Variants in CREB3L1 observed in about 807,000 individuals in gnomAD.
The protein encoded by CREB3L1 is cyclic AMP-responsive element-binding protein 3-like protein 1.
In CREB3L1, 33 loss-of-function variants were observed where a neutral mutation model predicts 54.5. The observed-to-expected ratio is 0.61, with a 90% CI of 0.46 to 0.81. The LOEUF (loss-of-function observed/expected upper bound fraction) is 0.81, where lower values mean the gene tolerates loss of function less well. CREB3L1 is among the 30% of genes least tolerant of loss of function. The pLI is 0.00. For synonymous variants in CREB3L1, 284 were observed against 286.4 expected, an observed-to-expected ratio of 0.99 and a Z score of 0.08; for missense variants, 656 against 673.3, an observed-to-expected ratio of 0.97 and a Z score of 0.29.
intron 2 of CREB3L1, 30 bp downstream of exon 2, chr11:46,300,193 C>G: frequency 6.4e-7 from 1 of 1,551,504 alleles, no homozygotes; most frequent in African/African-American, 1.4e-5. Flanking sequence ...GGGGACAGCA[C>G]AGGCCCAGGA....
chr11:46,307,945 C>T lies in CREB3L1; in HGVS notation c.461C>T (p.Ala154Val). ...GCCATGGCTGCCGCGGCCGCCATGG[C>T]CACCACCCCGCTGCTGGGCCTCAGC... ...PSAMAAAAAMATTPLLGLSPL... is the reference protein window; with the variant it reads ...PSAMAAAAAMVTTPLLGLSPL... Residue 154 changes from alanine to valine, a missense_variant, in exon 3 of 12, where the codon GCC becomes GTC. Physicochemically the swap from Ala to Val is moderately conservative, Grantham distance 64. Around this residue, in one of 3 missense-constraint regions of CREB3L1, gnomAD observed 339 missense variants for 331.5 expected, o/e 1.02. Coordinates refer to ENST00000621158, the MANE Select transcript of CREB3L1 (RefSeq NM_052854.4). 6.4e-7 allele frequency: 1 copy of T among 1,564,634 alleles called. No individual in the cohort carries two copies. Among genetic ancestry groups the T allele is most frequent in the South Asian group, 1.2e-5 (1 of 84,784 alleles).
At chr11:46,313,116 T>C (rs1048248622) in intron 8 of CREB3L1, among the ~76,000 whole-genome samples, 197 bp downstream of exon 8, 1 of 152,122 alleles carries the variant, frequency 6.6e-6, no homozygotes, top group African/African-American at 2.4e-5. Flanking sequence ...CACCTACACC[T>C]GGCAGGGCTG....
In CREB3L1 at chr11:46,311,024, C is replaced by T. The variant is rs376419401; in HGVS notation, c.596-8C>T. 3.6e-5 allele frequency: 57 copies of T among 1,575,654 alleles called. No homozygotes were observed. Among genetic ancestry groups the T allele is most frequent in the Non-Finnish European group, 4.5e-5 (52 of 1,160,418 alleles). ...CGTTGCTAACTCGGTTTCCCCTGCTCTCCCCAGAGGACCTGGTGCAGATGC... is the reference window on the plus strand; with the variant it reads ...CGTTGCTAACTCGGTTTCCCCTGCTTTCCCCAGAGGACCTGGTGCAGATGC... On this transcript the variant is annotated splice_region_variant and splice_polypyrimidine_tract_variant and intron_variant, in intron 4 of 11. Coordinates refer to ENST00000621158, the MANE Select transcript of CREB3L1 (RefSeq NM_052854.4).
At chr11:46,310,861 G>C (rs1263858028) in intron 4 of CREB3L1, 171 bp from the exon 5 acceptor site, 1 of 980,138 alleles carries the variant, frequency 1.0e-6, no homozygotes, top group East Asian at 3.1e-5. Flanking sequence ...GATGTCAACT[G>C]TCTTTCTGAC....
chr11:46,308,449 C>G lies in CREB3L1; in HGVS notation c.516+449C>G, dbSNP rs551606705. Among the ~76,000 whole-genome samples the G allele has an allele frequency of 8.5e-4, 129 of 152,368 alleles. 1 individual carries two copies. The highest frequency in any genetic ancestry group is 1.4e-3 in the Non-Finnish European group (98 of 68,040). ...ATGAGATTAATATTTTTAACCCACACTCTCAGGCTGAACTCCCTCCTCCAC... is the reference window on the plus strand; with the variant it reads ...ATGAGATTAATATTTTTAACCCACAGTCTCAGGCTGAACTCCCTCCTCCAC... On this transcript the variant is annotated intron_variant, in intron 3 of 11. Coordinates refer to ENST00000621158, the MANE Select transcript of CREB3L1 (RefSeq NM_052854.4).
At chr11:46,300,197 C>A (rs752189757) in intron 2 of CREB3L1, 34 bp downstream of exon 2, 18 of 1,464,580 alleles carry the variant, frequency 1.2e-5, no homozygotes, top group South Asian at 8.3e-5. Flanking sequence ...ACAGCACAGG[C>A]CCAGGAGGCC....
Position 46,305,746 on chromosome 11 carries a change from A to ATTT in CREB3L1, c.332-2063_332-2061dup, listed in dbSNP as rs34152812. Among the ~76,000 whole-genome samples, 248 of 129,266 alleles carry ATTT rather than the reference A, an allele frequency of 1.9e-3. 3 individuals are homozygous for ATTT. Among genetic ancestry groups the ATTT allele is most frequent in the African/African-American group, 7.3e-3 (229 of 31,480 alleles). 84.8% of individuals were successfully genotyped at this position (129,266 alleles called of 152,430 possible). A position where few individuals can be genotyped will look rare whatever the true frequency, so the allele number is the denominator to read the frequency against. On this transcript the variant is annotated intron_variant, in intron 2 of 11. Transcript: ENST00000621158. ...TGTGTGTGTGTGTATATATATATAT[A>ATTT]TTTTTTTTTAAGACGGAGTCTCGCT...
chr11:46,311,365 G>A (rs1939483024), intron 5 of CREB3L1, among the ~76,000 whole-genome samples, 176 bp downstream of exon 5: 1 of 152,182 alleles, frequency 6.6e-6, no homozygotes, highest in Non-Finnish European at 1.5e-5. Flanking sequence ...TTTGAGTCTT[G>A]CTCTGTTGCC....
chr11:46,294,895 G>A (rs564086896), intron 1 of CREB3L1, among the ~76,000 whole-genome samples: 23 of 152,068 alleles, frequency 1.5e-4, no homozygotes, highest in African/African-American at 5.1e-4. Flanking sequence ...GGAAAGAAAG[G>A]GGGAAATGTG....
intron 1 of CREB3L1, among the ~76,000 whole-genome samples, chr11:46,297,470 C>T (rs1037866865): frequency 2.5e-4 from 34 of 135,712 alleles, no homozygotes; most frequent in African/African-American, 8.8e-4. Flanking sequence ...ATTACCGGAC[C>T]GGGGAGGGTC....
chr11:46,305,355 C>T (rs1374678345), intron 2 of CREB3L1, among the ~76,000 whole-genome samples: 1 of 152,074 alleles, frequency 6.6e-6, no homozygotes, highest in Non-Finnish European at 1.5e-5. Context: ...CCGCTCCCCA[C>T]CGCCGCCTCC....
intron 2 of CREB3L1, among the ~76,000 whole-genome samples, chr11:46,301,663 A>C (rs1325924245): frequency 6.5e-5 from 6 of 91,856 alleles, no homozygotes; most frequent in South Asian, 3.6e-4. Flanking sequence ...ACTCCGTCCC[A>C]AAAAAAAAAA....
chr11:46,309,924 G>C, intron 3 of CREB3L1, 65 bp from the exon 4 acceptor site: 1 of 1,319,290 alleles, frequency 7.6e-7, no homozygotes, highest in South Asian at 1.3e-5. Context: ...GGAGGAGGTG[G>C]GTAGATGGCA....
intron 1 of CREB3L1, among the ~76,000 whole-genome samples, chr11:46,294,880 C>CG (rs1347673484): frequency 1.3e-5 from 2 of 149,716 alleles, no homozygotes; most frequent in African/African-American, 2.5e-5. Flanking sequence ...CCCCAGCCTG[C>CG]GGGGGGAAAG....
Position 46,311,199 on chromosome 11 carries a change from T to C in CREB3L1, c.753+10T>C. Reference sequence around the variant, plus strand: ...CCTCACTGCCCCTCACGTAAGGAGCTGGGGGTGGGCTGATCCCAGAAATGA... The same window carrying C: ...CCTCACTGCCCCTCACGTAAGGAGCCGGGGGTGGGCTGATCCCAGAAATGA... On this transcript the variant is annotated intron_variant, in intron 5 of 11. Coordinates refer to ENST00000621158, the MANE Select transcript of CREB3L1 (RefSeq NM_052854.4). The C allele has an allele frequency of 6.4e-7, 1 of 1,561,876 alleles. No homozygotes were observed. Among genetic ancestry groups the C allele is most frequent in the South Asian group, 1.2e-5 (1 of 85,960 alleles).
At chr11:46,314,822 C>T (rs569990060) in intron 8 of CREB3L1, among the ~76,000 whole-genome samples, 2 of 152,080 alleles carry the variant, frequency 1.3e-5, no homozygotes, top group South Asian at 4.1e-4. Context: ...ATTCTCATGC[C>T]TCAGCCTCCC....
chr11:46,306,326 G>A (rs1043245458), intron 2 of CREB3L1, among the ~76,000 whole-genome samples: 3 of 151,968 alleles, frequency 2.0e-5, no homozygotes, highest in Non-Finnish European at 4.4e-5. Flanking sequence ...GACCAGCCTG[G>A]GCAACATCTC....
chr11:46,302,485 C>A (rs1374700040), intron 2 of CREB3L1, among the ~76,000 whole-genome samples: 1 of 152,152 alleles, frequency 6.6e-6, no homozygotes, highest in Non-Finnish European at 1.5e-5. Flanking sequence ...CTGGCTCTGT[C>A]GCTTTTGGCT....
rs781485244 is a variant in CREB3L1, at chr11:46,307,825, A to G, written c.341A>G (p.His114Arg). The change falls in exon 3 of 12, where the codon CAT becomes CGT. Residue 114 changes from histidine (H) to arginine (R), a missense_variant. His to Arg is a conservative substitution (Grantham distance 29). Coordinates refer to ENST00000621158, the MANE Select transcript of CREB3L1 (RefSeq NM_052854.4). ...KMEDTTQDAE[H>R]GAWALGHKLC... ...TTTCCCCTTCCCCTAGATGCAGAGC[A>G]TGGAGCATGGGCGCTGGGACACAAA... 1 of 1,572,216 alleles carries G rather than the reference A, an allele frequency of 6.4e-7. No individual in the cohort carries two copies. The highest frequency in any genetic ancestry group is 1.4e-5 in the African/African-American group (1 of 73,734).
Sources: gnomAD v4.1 joint callset for allele counts (sites outside exome capture counted in the v4.1 genomes callset) on GRCh38, gnomAD v4.1.1 for gene constraint, gnomAD v4.1.1 regional missense constraint, MANE v1.5 for transcripts, NCBI Gene and HGNC (gene_info 2026-07-23, HGNC 2026-07-21) for gene names.